ALPL: variants seen among roughly 807,000 people sequenced by gnomAD.
ALPL encodes the protein alkaline phosphatase, tissue-nonspecific isozyme.
A neutral mutation model predicts 51.3 loss-of-function variants in ALPL; 42 were observed. That is an observed-to-expected ratio of 0.82 (90% CI 0.64 to 1.06). The LOEUF is 1.06. Ranked by LOEUF, ALPL falls within the 50% of genes least tolerant of loss-of-function variation. The pLI is 0.00. For missense variants in ALPL, 589 were observed against 709.4 expected, an observed-to-expected ratio of 0.83 and a Z score of 1.93; for synonymous variants, 279 against 296.4, an observed-to-expected ratio of 0.94 and a Z score of 0.60.
chr1:21,577,373 T>G lies in ALPL; in HGVS notation c.1310-10T>G, dbSNP rs766390088. ...GCAGGCTCTCAGCAGGTGTTTCCCC[T>G]GGCCCACAGCTCACAACAACTACCA... On this transcript the variant is annotated splice_polypyrimidine_tract_variant and intron_variant, in intron 11 of 11. Transcript: ENST00000374840. 1 of 1,613,226 alleles carries G rather than the reference T, an allele frequency of 6.2e-7. No homozygotes were observed. Among genetic ancestry groups the G allele is most frequent in the Non-Finnish European group, 8.5e-7 (1 of 1,179,958 alleles).
chr1:21,520,607 G>A (rs935237688), intron 1 of ALPL, among the ~76,000 whole-genome samples: 1 of 151,792 alleles, frequency 6.6e-6, no homozygotes, highest in Admixed American at 6.6e-5. Flanking sequence ...GACTACAGGG[G>A]TGTGCCACCA....
rs34760747 is a variant in ALPL, at chr1:21,552,479, C to CA, written c.-104-1485dup. On this transcript the variant is annotated intron_variant, in intron 1 of 11. Coordinates refer to ENST00000374840, the MANE Select transcript of ALPL (RefSeq NM_000478.6). ...GGGCAACAAGAACAAAACTCCGTCT[C>CA]AAAAAAAAAAAAAAGAAAAAGAAAA... is the stretch of plus-strand genomic sequence containing the variant. Among the ~76,000 whole-genome samples the CA allele has an allele frequency of 5.0e-3, 622 of 123,474 alleles. 3 individuals are homozygous for CA. Among genetic ancestry groups the CA allele is most frequent in the African/African-American group, 0.015 (506 of 33,500 alleles). The allele number at this position is 123,474 out of a possible 152,430, so 81.0% of individuals were successfully genotyped here.
At chr1:21,560,898 G>A (rs1249187145) in intron 3 of ALPL, among the ~76,000 whole-genome samples, 153 bp downstream of exon 3, 2 of 152,152 alleles carry the variant, frequency 1.3e-5, no homozygotes, top group East Asian at 1.9e-4. Flanking sequence ...GGATTCAAGA[G>A]GCCTGCTCTG....
At position 21,573,736 on chromosome 1, in the gene ALPL, ATGG is replaced by A. The variant is rs756329108; in HGVS notation, c.944_946del (p.Val315del). The stretch of plus-strand genomic sequence containing the variant: ...CGTGACGGACCCGTCACTCTCCGAG[ATGG>A]TGGTGGTGGCCATCCAGATCCTGCG... On this transcript the variant is annotated inframe_deletion, in exon 9 of 12. Coordinates refer to ENST00000374840, the MANE Select transcript of ALPL (RefSeq NM_000478.6). The A allele has an allele frequency of 2.5e-6, 4 of 1,613,908 alleles. No individual in the cohort carries two copies. The highest frequency in any genetic ancestry group is 1.7e-5 in the Admixed American group (1 of 59,990).
At chr1:21,555,257 C>T (rs1644398010) in intron 2 of ALPL, among the ~76,000 whole-genome samples, 1 of 152,150 alleles carries the variant, frequency 6.6e-6, no homozygotes. Flanking sequence ...AAGGACCGGC[C>T]ATTTTCACTT....
intron 1 of ALPL, among the ~76,000 whole-genome samples, chr1:21,510,075 C>A (rs566054399): frequency 1.1e-3 from 175 of 152,226 alleles, no homozygotes; most frequent in African/African-American, 3.9e-3. Flanking sequence ...ACAGAGGACA[C>A]CCGCGTGGGT....
intron 1 of ALPL, among the ~76,000 whole-genome samples, chr1:21,545,892 T>A (rs1017178965): frequency 1.8e-4 from 27 of 152,124 alleles, no homozygotes; most frequent in Non-Finnish European, 2.5e-4. Flanking sequence ...CTCAGCTCAC[T>A]GCAACCTCTA....
rs773907984 is a variant in ALPL, at chr1:21,576,612, A to G, written c.1280A>G (p.Glu427Gly). The G allele has an allele frequency of 6.2e-7, 1 of 1,613,786 alleles. No individual in the cohort carries two copies. The highest frequency in any genetic ancestry group is 8.5e-7 in the Non-Finnish European group (1 of 1,179,900). The change falls in exon 11 of 12, where the codon GAA becomes GGA. Residue 427 changes from glutamate (E) to glycine (G), a missense_variant. Physicochemically the swap from Glu to Gly is moderately conservative, Grantham distance 98 (BLOSUM62 -2). Transcript: ENST00000374840. The stretch of plus-strand genomic sequence containing the variant: ...CCTGGCTACAAGGTGGTGGGCGGTG[A>G]ACGAGAGAATGTCTCCATGGTGGAC... ...NGPGYKVVGGERENVSMVDYA... is the reference protein window; with the variant it reads ...NGPGYKVVGGGRENVSMVDYA...
At chr1:21,541,581 T>C (rs1166101273) in intron 1 of ALPL, among the ~76,000 whole-genome samples, 1 of 152,214 alleles carries the variant, frequency 6.6e-6, no homozygotes, top group African/African-American at 2.4e-5. Context: ...TCCAGCTCCC[T>C]AGGAGCTCAC....
intron 1 of ALPL, chr1:21,551,336 AAG>A (rs1644317941): frequency 6.6e-6 from 1 of 152,260 alleles, no homozygotes. Context: ...TACCTTCAAA[AAG>A]AGAGGTACAT....
At chr1:21,567,550 G>A (rs1644583473) in intron 6 of ALPL, among the ~76,000 whole-genome samples, 1 of 152,192 alleles carries the variant, frequency 6.6e-6, no homozygotes, top group African/African-American at 2.4e-5. Flanking sequence ...TCCACCGTGG[G>A]AGAGGAGGCT....
chr1:21,539,656 CT>C (rs71016920), intron 1 of ALPL, among the ~76,000 whole-genome samples: 35,227 of 133,372 alleles, frequency 0.26, 4,331 homozygotes, highest in South Asian at 0.4. Context: ...TTTCTTTTTC[CT>C]TTTTTTTTTT....
Position 21,536,846 on chromosome 1 carries a change from G to A in ALPL, c.-104-17132G>A, listed in dbSNP as rs959374197. On this transcript the variant is annotated intron_variant, in intron 1 of 11. Transcript: ENST00000374840. ...ACCAGAGGGAGTGCAGTGGAGAGCC[G>A]TAGAAACTTCTGCATTGTACCTTTT... 6.6e-5 allele frequency among the ~76,000 whole-genome samples: 10 copies of A among 151,304 alleles called. No homozygotes were observed. The South Asian group carries it at 1.9e-3, about 28-fold the overall frequency.
chr1:21,568,922 GCTGCTGGC>G (rs1309300108), intron 7 of ALPL, among the ~76,000 whole-genome samples: 1 of 152,182 alleles, frequency 6.6e-6, no homozygotes, highest in Non-Finnish European at 1.5e-5. Context: ...TTAAATCTGA[GCTGCTGGC>G]CTGCGGGCCT....
chr1:21,541,527 G>A (rs535907317), intron 1 of ALPL, among the ~76,000 whole-genome samples: 5 of 152,326 alleles, frequency 3.3e-5, no homozygotes, highest in South Asian at 4.1e-4. Context: ...GGCCTGTGCC[G>A]GCCTCTGCCA....
chr1:21,576,269 G>GAT (rs1644734156), intron 10 of ALPL, among the ~76,000 whole-genome samples: 1 of 21,620 alleles, frequency 4.6e-5, no homozygotes, highest in African/African-American at 1.3e-4. Context: ...ATGGATGGAT[G>GAT]GGTGGATGGA....
intron 1 of ALPL, among the ~76,000 whole-genome samples, chr1:21,548,713 T>C (rs1395042281): frequency 6.6e-6 from 1 of 152,032 alleles, no homozygotes; most frequent in African/African-American, 2.4e-5. Context: ...CCAAATAAGC[T>C]CTCAGTTCTT....
chr1:21,554,800 T>TC (rs1644381141), intron 2 of ALPL, among the ~76,000 whole-genome samples: 1 of 37,034 alleles, frequency 2.7e-5, no homozygotes, highest in East Asian at 7.2e-4. Context: ...TGTCTGTCTG[T>TC]CTGTCTGTCT....
chr1:21,557,467 C>G (rs1003555372), intron 2 of ALPL, among the ~76,000 whole-genome samples: 1 of 152,230 alleles, frequency 6.6e-6, no homozygotes, highest in African/African-American at 2.4e-5. Flanking sequence ...CAAGGTCACT[C>G]TGGGACGGGG....
Sources: gnomAD v4.1 joint callset for allele counts (sites outside exome capture counted in the v4.1 genomes callset) on GRCh38, gnomAD v4.1.1 for gene constraint, MANE v1.5 for transcripts, NCBI Gene and HGNC (gene_info 2026-07-23, HGNC 2026-07-21) for gene names.